The following PAG1 variants were observed in gnomAD, a reference collection of about 807,000 sequenced individuals.
The protein encoded by PAG1 is phosphoprotein membrane anchor with glycosphingolipid microdomains 1.
Under a neutral mutation model 31.7 loss-of-function variants are expected in PAG1, and 23 were observed. The observed-to-expected ratio is 0.73, with a 90% confidence interval of 0.52 to 1.03. The LOEUF (loss-of-function observed/expected upper bound fraction) is 1.03. PAG1 is among the 50% of genes least tolerant of loss of function. PAG1 has a pLI of 0.00. For synonymous variants in PAG1, 214 were observed against 210.3 expected (o/e 1.02, Z -0.15); for missense variants, 473 against 540.7 (o/e 0.87, Z 1.24).
Position 80,984,705 on chromosome 8 carries a change from A to G in PAG1, c.876+71T>C. 3.5e-6 allele frequency: 5 copies of G among 1,426,284 alleles called. No individual in the cohort carries two copies. In the East Asian group the frequency reaches 6.9e-5, roughly 20 times the overall value. 88.4% of individuals were successfully genotyped at this position (1,426,284 alleles called of 1,614,324 possible). ...GTGTTTGCAGATATTTCCCAGAACA[A>G]CTCCAGGGCCAGCTAGATTCCTAAC... On this transcript the variant is annotated intron_variant, in intron 7 of 8. Coordinates refer to ENST00000220597, the MANE Select transcript of PAG1 (RefSeq NM_018440.4).
At chr8:81,008,166 T>C (rs1480647353) in intron 3 of PAG1, among the ~76,000 whole-genome samples, 1 of 152,222 alleles carries the variant, frequency 6.6e-6, no homozygotes, top group Non-Finnish European at 1.5e-5. Context: ...TAGACACAAA[T>C]TGTAAAACAA....
chr8:81,090,424 C>T (rs137886253), intron 1 of PAG1, among the ~76,000 whole-genome samples: 1 of 152,288 alleles, frequency 6.6e-6, no homozygotes, highest in African/African-American at 2.4e-5. Flanking sequence ...CCCAACACCA[C>T]AAATAAGTGA....
intron 3 of PAG1, among the ~76,000 whole-genome samples, chr8:81,029,320 T>G (rs1351069123): frequency 6.6e-6 from 1 of 151,894 alleles, no homozygotes; most frequent in Non-Finnish European, 1.5e-5. Flanking sequence ...AAACCTATAG[T>G]ATCATGCTGA....
intron 1 of PAG1, among the ~76,000 whole-genome samples, chr8:81,110,066 T>G (rs528110982): frequency 6.6e-6 from 1 of 152,304 alleles, no homozygotes; most frequent in Non-Finnish European, 1.5e-5. Context: ...AAAAAAACCC[T>G]TTACACTTTA....
At position 80,990,043 on chromosome 8, in the gene PAG1, C is replaced by T. The variant is rs1329592045; in HGVS notation, c.177+1436G>A. 1.3e-5 allele frequency among the ~76,000 whole-genome samples: 2 copies of T among 151,718 alleles called. No individual in the cohort carries two copies. Among genetic ancestry groups the T allele is most frequent in the Middle Eastern group, 3.4e-3 (1 of 292 alleles). ...TGGGGCGTTCCCTCCATCCCTCCCA[C>T]CCTCCCTGCTGAGGCCACCACAGCA... is the stretch of plus-strand genomic sequence containing the variant. On this transcript the variant is annotated intron_variant, in intron 5 of 8. Transcript: ENST00000220597. This position sits in a 1 kb window ranked among gnomAD's most constrained non-coding sequence, Gnocchi z 5.1.
At chr8:81,066,667 C>T (rs1259887865) in intron 2 of PAG1, among the ~76,000 whole-genome samples, 1 of 152,012 alleles carries the variant, frequency 6.6e-6, no homozygotes. Context: ...TTCCATAGTC[C>T]TCAGAATATC....
chr8:81,028,836 A>C (rs1466635491), intron 3 of PAG1, among the ~76,000 whole-genome samples: 1 of 152,198 alleles, frequency 6.6e-6, no homozygotes, highest in Non-Finnish European at 1.5e-5. Flanking sequence ...TAGTATCACA[A>C]AATTCTCCTC....
chr8:81,108,770 C>A (rs572349570), intron 1 of PAG1, among the ~76,000 whole-genome samples: 58 of 152,254 alleles, frequency 3.8e-4, no homozygotes, highest in Admixed American at 9.8e-4. Flanking sequence ...TCACACAGCA[C>A]CCCGGAATCT....
intron 2 of PAG1, among the ~76,000 whole-genome samples, chr8:81,038,171 C>A (rs772717601): frequency 6.6e-6 from 1 of 152,140 alleles, no homozygotes. Flanking sequence ...TGCATGTCGG[C>A]GGGGAGGGGC....
intron 1 of PAG1, among the ~76,000 whole-genome samples, chr8:81,095,280 C>T (rs1809512506): frequency 6.6e-6 from 1 of 152,222 alleles, no homozygotes; most frequent in East Asian, 1.9e-4. Context: ...AGCATGCTGC[C>T]TGTTCTATTC....
intron 1 of PAG1, among the ~76,000 whole-genome samples, chr8:81,073,082 G>A (rs1809120653): frequency 6.6e-6 from 1 of 152,292 alleles, no homozygotes; most frequent in Non-Finnish European, 1.5e-5. Flanking sequence ...TATTTTCATG[G>A]CAATCAACTT....
Position 80,993,270 on chromosome 8 carries a change from C to A in PAG1, c.-43G>T. On this transcript the variant is annotated 5_prime_UTR_variant, in exon 4 of 9. Transcript: ENST00000220597. ...GCACCAGCCGAGGGAATCAGTCAGT[C>A]CTTCAAAGGTGGTGACATGGAGGCA... 1 of 1,563,730 alleles carries A rather than the reference C, an allele frequency of 6.4e-7. No homozygotes were observed. The highest frequency in any genetic ancestry group is 1.2e-5 in the South Asian group (1 of 84,216).
chr8:80,983,043 G>C (rs1347065456), intron 7 of PAG1, among the ~76,000 whole-genome samples: 1 of 152,172 alleles, frequency 6.6e-6, no homozygotes, highest in Non-Finnish European at 1.5e-5. Flanking sequence ...GACATTATTA[G>C]TGTTCAGACT....
chr8:81,088,320 T>C (rs1440138078), intron 1 of PAG1, among the ~76,000 whole-genome samples: 1 of 152,216 alleles, frequency 6.6e-6, no homozygotes, highest in Non-Finnish European at 1.5e-5. Flanking sequence ...AAAAGAATAG[T>C]TCCTGGCACT....
intron 3 of PAG1, among the ~76,000 whole-genome samples, chr8:81,027,934 A>C (rs998929841): frequency 6.7e-6 from 1 of 150,198 alleles, no homozygotes; most frequent in African/African-American, 2.5e-5. Flanking sequence ...AAAAGAATAT[A>C]GGCCAAGATT....
At chr8:81,040,496 A>C (rs1263465221) in intron 2 of PAG1, among the ~76,000 whole-genome samples, 2 of 152,194 alleles carry the variant, frequency 1.3e-5, no homozygotes. Flanking sequence ...ACCCTCATCC[A>C]AAGATTCTTC....
At chr8:81,079,779 A>T (rs55666745) in intron 1 of PAG1, among the ~76,000 whole-genome samples, 11,831 of 149,898 alleles carry the variant, frequency 0.079, 1,196 homozygotes, top group African/African-American at 0.25. Flanking sequence ...TTATTTATTT[A>T]TTTTTTTGAG....
chr8:81,103,748 G>A lies in PAG1; in HGVS notation c.-234+7843C>T, dbSNP rs79663081. Among the ~76,000 whole-genome samples the A allele has an allele frequency of 1.0e-3, 156 of 152,156 alleles. 3 individuals are homozygous for A. In the East Asian group the frequency reaches 0.024, roughly 23 times the overall value. The stretch of plus-strand genomic sequence containing the variant: ...GTCCAAACCCTCTAATAACATTATG[G>A]CCATGATAAAAGCTTAGTTTTTACA... On this transcript the variant is annotated intron_variant, in intron 1 of 8. Transcript: ENST00000220597.
chr8:80,984,901 C>T lies in PAG1; in HGVS notation c.751G>A (p.Asp251Asn), dbSNP rs764524425. 2.5e-6 allele frequency: 4 copies of T among 1,614,150 alleles called. No homozygotes were observed. The highest frequency in any genetic ancestry group is 3.4e-6 in the Non-Finnish European group (4 of 1,180,018). ...GGTGGTGGGGCCTCCTCTTCTGGAT[C>T]ACATGAATTTCCAAGGATACTCTCT... ...NVESILGNSCDPEEEAPPPVP... is the reference protein window; with the variant it reads ...NVESILGNSCNPEEEAPPPVP... The change falls in exon 7 of 9, where the codon GAT becomes AAT. Residue 251 changes from aspartate to asparagine, a missense_variant. Asp to Asn is a conservative substitution (Grantham distance 23). Transcript: ENST00000220597.
Sources: allele counts gnomAD v4.1 joint callset (sites outside exome capture counted in the v4.1 genomes callset), GRCh38; gene constraint gnomAD v4.1.1; non-coding constraint Gnocchi (gnomAD v3.1); transcripts MANE v1.5; gene names NCBI Gene and HGNC (gene_info 2026-07-23, HGNC 2026-07-21).